Variants in DMTN observed in about 807,000 individuals in gnomAD.
The protein encoded by DMTN is dematin.
Under a neutral mutation model 59.4 loss-of-function variants are expected in DMTN, and 27 were observed. The ratio of observed to expected loss-of-function variants is 0.45; its 90% CI spans 0.33 to 0.63. The LOEUF (loss-of-function observed/expected upper bound fraction) is 0.63. Among genes scored for constraint, DMTN ranks in the 20% least tolerant of loss-of-function variants. The pLI is 0.02. For synonymous variants in DMTN, 221 were observed against 203.7 expected (o/e 1.08, Z -0.72); for missense variants, 451 against 528.9 (o/e 0.85, Z 1.45).
intron 1 of DMTN, among the ~76,000 whole-genome samples, chr8:22,061,692 A>C (rs1428366797): frequency 1.3e-5 from 2 of 151,086 alleles, no homozygotes; most frequent in Non-Finnish European, 2.9e-5. Flanking sequence ...TGCTCCTCAG[A>C]GTGACCCCTC....
At chr8:22,072,549 C>T in intron 9 of DMTN, 99 bp downstream of exon 9, 1 of 1,301,884 alleles carries the variant, frequency 7.7e-7, no homozygotes, top group South Asian at 1.6e-5. Context: ...ACTGCAACCT[C>T]CGCTCCCAGG....
At chr8:22,069,236 C>G in intron 5 of DMTN, 176 bp downstream of exon 5, 2 of 885,350 alleles carry the variant, frequency 2.3e-6, no homozygotes, top group Non-Finnish European at 3.4e-6. Context: ...AGGACCTCAA[C>G]CCTTTCTCCC....
chr8:22,076,739 T>C (rs888481803), intron 10 of DMTN, among the ~76,000 whole-genome samples: 1 of 151,960 alleles, frequency 6.6e-6, no homozygotes, highest in Non-Finnish European at 1.5e-5. Context: ...CTATTTTTTC[T>C]TTTTTGGGTG....
At chr8:22,078,815 G>A (rs868764553) in intron 10 of DMTN, among the ~76,000 whole-genome samples, 344 of 4,710 alleles carry the variant, frequency 0.073, 11 homozygotes, top group Middle Eastern at 0.29. Context: ...TTTTTTTTTT[G>A]AGATGGAGTC....
At chr8:22,066,994 A>G (rs1811185255) in intron 2 of DMTN, 91 bp from the exon 3 acceptor site, 1 of 1,278,004 alleles carries the variant, frequency 7.8e-7, no homozygotes, top group Non-Finnish European at 1.0e-6. Context: ...AGCGCCGCGC[A>G]GCGCCCCGGG....
intron 1 of DMTN, among the ~76,000 whole-genome samples, chr8:22,061,699 C>T (rs953683667): frequency 2.0e-5 from 3 of 152,076 alleles, no homozygotes; most frequent in Non-Finnish European, 4.4e-5. Flanking sequence ...CAGAGTGACC[C>T]CTCCAAACCT....
intron 1 of DMTN, among the ~76,000 whole-genome samples, chr8:22,064,754 GGCCT>G (rs1809268252): frequency 6.6e-6 from 1 of 152,126 alleles, no homozygotes; most frequent in Admixed American, 6.5e-5. Context: ...CACCGCGCCC[GGCCT>G]GCCAGAGTCT....
At chr8:22,065,910 G>A (rs1284880142) in intron 1 of DMTN, among the ~76,000 whole-genome samples, 1 of 141,436 alleles carries the variant, frequency 7.1e-6, no homozygotes, top group African/African-American at 2.7e-5. Flanking sequence ...GTGCGATCTC[G>A]GCTCACTGCA....
At chr8:22,065,708 G>A (rs1364148953) in intron 1 of DMTN, among the ~76,000 whole-genome samples, 2 of 151,980 alleles carry the variant, frequency 1.3e-5, no homozygotes, top group South Asian at 2.1e-4. Context: ...CCAGGCACAC[G>A]CCTGTAATTC....
At chr8:22,064,855 A>G (rs919795164) in intron 1 of DMTN, among the ~76,000 whole-genome samples, 1 of 152,156 alleles carries the variant, frequency 6.6e-6, no homozygotes, top group Admixed American at 6.5e-5. Flanking sequence ...CCTGATACTG[A>G]GTACTAGGTA....
chr8:22,063,465 T>A (rs1808135648), intron 1 of DMTN, among the ~76,000 whole-genome samples: 1 of 152,202 alleles, frequency 6.6e-6, no homozygotes, highest in South Asian at 2.1e-4. Flanking sequence ...TTTTTGAGCC[T>A]TCTGTGCCCC....
chr8:22,069,253 A>T, intron 5 of DMTN, 166 bp from the exon 6 acceptor site: 1 of 844,048 alleles, frequency 1.2e-6, no homozygotes, highest in Non-Finnish European at 1.8e-6. Context: ...TCCCTGGGCC[A>T]GGCACCATCA....
At chr8:22,052,244 G>A (rs901578668), upstream of DMTN, among the ~76,000 whole-genome samples, 1 of 152,174 alleles carries the variant, frequency 6.6e-6, no homozygotes, top group Non-Finnish European at 1.5e-5. Flanking sequence ...TCATGATTCC[G>A]CTAAATAGCA....
chr8:22,070,075 C>T, intron 7 of DMTN, 107 bp from the exon 8 acceptor site: 1 of 1,554,742 alleles, frequency 6.4e-7, no homozygotes, highest in South Asian at 1.2e-5. Context: ...TCAGCGTGTA[C>T]ACTGCTTTTA....
At chr8:22,070,008 G>A in intron 7 of DMTN, 71 bp downstream of exon 7, 1 of 1,600,188 alleles carries the variant, frequency 6.2e-7, no homozygotes, top group Non-Finnish European at 8.6e-7. Context: ...TGGGGCTGCG[G>A]GCTGGCTGGA....
In DMTN at chr8:22,081,193, G is replaced by A; in HGVS notation, c.1104G>A (p.Glu368=). The A allele has an allele frequency of 6.2e-7, 1 of 1,613,530 alleles. No homozygotes were observed. The change falls in exon 15 of 16, where the codon GAG becomes GAA. Residue 368 remains glutamate (E), a splice_region_variant and synonymous_variant. Transcript: ENST00000358242. Reference sequence around the variant, plus strand: ...CGGGGGTGGATCGGATGCGGCTTGAGGTAGGCAAGGAAGATGCCCTGGATG... The same window carrying A: ...CGGGGGTGGATCGGATGCGGCTTGAAGTAGGCAAGGAAGATGCCCTGGATG... ...LPPGVDRMRL[E]RHLSAEDFSR... is the part of the protein sequence containing the mutation.
chr8:22,050,559 T>G (rs1026390713), upstream of DMTN, among the ~76,000 whole-genome samples: 11 of 141,722 alleles, frequency 7.8e-5, no homozygotes, highest in African/African-American at 2.8e-4. Context: ...ACCTCCCCGG[T>G]ACCGACAGGC....
upstream of DMTN, chr8:22,049,042 T>G: frequency 6.9e-6 from 1 of 145,794 alleles, no homozygotes. Flanking sequence ...GTGCTACCTG[T>G]TGGGGAAGAA....
chr8:22,081,855 G>C lies in DMTN; in HGVS notation c.*392G>C. On this transcript the variant is annotated 3_prime_UTR_variant, in exon 16 of 16. Transcript: ENST00000358242. Reference sequence around the variant, plus strand: ...GGTGGGAAGCGGCCAGGCAGAAAGAGCTCCAGGCTCTTGTGTCGCCCACCC... The same window carrying C: ...GGTGGGAAGCGGCCAGGCAGAAAGACCTCCAGGCTCTTGTGTCGCCCACCC... The C allele has an allele frequency of 2.1e-6, 1 of 465,426 alleles. No homozygotes were observed. The highest frequency in any genetic ancestry group is 2.0e-5 in the African/African-American group (1 of 50,606). 28.8% of individuals were successfully genotyped at this position (465,426 alleles called of 1,614,324 possible).
Sources: allele counts gnomAD v4.1 joint callset (sites outside exome capture counted in the v4.1 genomes callset), GRCh38; gene constraint gnomAD v4.1.1; transcripts MANE v1.5; gene names NCBI Gene and HGNC (gene_info 2026-07-23, HGNC 2026-07-21).